SMIM36: variants seen among roughly 807,000 people sequenced by gnomAD.
SMIM36 encodes small integral membrane protein 36.
chr17:55,518,041 T>C, the SMIM36 span, among the ~76,000 whole-genome samples: 53,091 of 151,934 alleles, frequency 0.35, 10,979 homozygotes, highest in Non-Finnish European at 0.46. Flanking sequence ...GAAGTATGTA[T>C]CTTAGTCCAT....
At chr17:55,530,125 T>C in the SMIM36 span, among the ~76,000 whole-genome samples, 2 of 152,180 alleles carry the variant, frequency 1.3e-5, no homozygotes, top group Non-Finnish European at 2.9e-5. Flanking sequence ...GCTTTAAAAA[T>C]CCCCAGAAGG....
intron 1 of SMIM36, among the ~76,000 whole-genome samples, chr17:55,497,447 G>C (rs950305794): frequency 1.3e-5 from 2 of 152,052 alleles, no homozygotes; most frequent in Non-Finnish European, 2.9e-5. Flanking sequence ...TGTATTTTTA[G>C]TAGAGATGGG....
chr17:55,492,242 C>CTTTTTTTTTTTT (rs770501215), intron 1 of SMIM36, among the ~76,000 whole-genome samples: 2 of 111,286 alleles, frequency 1.8e-5, no homozygotes, highest in Non-Finnish European at 3.5e-5. Flanking sequence ...TTCTTTCTTT[C>CTTTTTTTTTTTT]TTTTTTTTTT....
chr17:55,469,619 A>T (rs1427105341), intron 3 of SMIM36, among the ~76,000 whole-genome samples: 2 of 152,212 alleles, frequency 1.3e-5, no homozygotes, highest in East Asian at 3.8e-4. Flanking sequence ...CCAAGCAACA[A>T]TGTATTTCTG....
rs1909945927 is a variant in SMIM36, at chr17:55,501,222, T to A, written c.*174+9657A>T. ...ATATATTATAATATATAATATATAT[T>A]ATATATTATAATATATAATATAGTA... is the stretch of plus-strand genomic sequence containing the variant. On this transcript the variant is annotated intron_variant, in intron 1 of 4. Transcript: ENST00000636752. 2.2e-5 allele frequency among the ~76,000 whole-genome samples: 2 copies of A among 88,982 alleles called. 1 individual carries two copies. The highest frequency in any genetic ancestry group is 4.0e-5 in the Non-Finnish European group (2 of 50,420). 58.4% of individuals were successfully genotyped at this position (88,982 alleles called of 152,430 possible). A position where few individuals can be genotyped will look rare whatever the true frequency, so the allele number is the denominator to read the frequency against.
intron 3 of SMIM36, among the ~76,000 whole-genome samples, chr17:55,477,767 T>A (rs973738335): frequency 5.9e-5 from 9 of 152,002 alleles, no homozygotes; most frequent in African/African-American, 9.7e-5. Flanking sequence ...AATTACCTCA[T>A]AGGGTTGCTA....
chr17:55,518,231 C>A, the SMIM36 span, among the ~76,000 whole-genome samples: 1 of 152,158 alleles, frequency 6.6e-6, no homozygotes. Flanking sequence ...GTGAAGAGGG[C>A]TGAATTTGTC....
At chr17:55,489,521 A>G (rs1909665407) in intron 1 of SMIM36, among the ~76,000 whole-genome samples, 1 of 152,258 alleles carries the variant, frequency 6.6e-6, no homozygotes, top group African/African-American at 2.4e-5. Context: ...TTTTCTATGC[A>G]TATAAAAACA....
chr17:55,484,471 A>G (rs1909572189), intron 1 of SMIM36, among the ~76,000 whole-genome samples: 1 of 152,222 alleles, frequency 6.6e-6, no homozygotes, highest in South Asian at 2.1e-4. Flanking sequence ...CAATGGCTTG[A>G]TCATGCTTAT....
chr17:55,500,119 TA>T (rs1372148462), intron 1 of SMIM36, among the ~76,000 whole-genome samples: 1 of 151,474 alleles, frequency 6.6e-6, no homozygotes, highest in African/African-American at 2.4e-5. Flanking sequence ...TGCTGGTAAT[TA>T]AAAAAAATTT....
rs796506078 is a variant in SMIM36, at chr17:55,466,277, C to CAAA, written c.*531+865_*531+867dup. On this transcript the variant is annotated intron_variant, in intron 4 of 4. Transcript: ENST00000636752. ...GGGCAACAAGATCAAGACTCCGTCT[C>CAAA]AAAAAAAAAAAAAAAAAAAAAAAAA... Among the ~76,000 whole-genome samples the CAAA allele has an allele frequency of 6.5e-3, 303 of 46,616 alleles. 3 individuals are homozygous for CAAA. Among genetic ancestry groups the CAAA allele is most frequent in the African/African-American group, 0.013 (173 of 13,358 alleles). 30.6% of individuals were successfully genotyped at this position (46,616 alleles called of 152,430 possible).
At chr17:55,528,349 T>A in the SMIM36 span, among the ~76,000 whole-genome samples, 1 of 151,958 alleles carries the variant, frequency 6.6e-6, no homozygotes, top group Non-Finnish European at 1.5e-5. Flanking sequence ...TTTTTTCAAT[T>A]TCATATAATA....
intron 1 of SMIM36, among the ~76,000 whole-genome samples, chr17:55,495,901 C>T (rs1050506784): frequency 2.6e-4 from 40 of 152,118 alleles, no homozygotes; most frequent in African/African-American, 9.4e-4. Context: ...TATTCTTGAT[C>T]GTGAGAGTTG....
At chr17:55,515,084 G>GTTTTTTTTTTTTTTTTTTTTTTTTT (rs1567874075), upstream of SMIM36, among the ~76,000 whole-genome samples, 13 of 56,104 alleles carry the variant, frequency 2.3e-4, 6 homozygotes, top group Non-Finnish European at 4.3e-4. Context: ...TTCTAGTCTA[G>GTTTTTTTTTTTTTTTTTTTTTTTTT]TGTTTTTTTT....
At chr17:55,500,729 G>GAAGTA (rs58312141) in intron 1 of SMIM36, among the ~76,000 whole-genome samples, 9 of 68,612 alleles carry the variant, frequency 1.3e-4, no homozygotes, top group East Asian at 5.7e-4. Flanking sequence ...ATTTTTAAAA[G>GAAGTA]AACATTCATT....
At chr17:55,458,917 C>A (rs906253974) in intron 4 of SMIM36, among the ~76,000 whole-genome samples, 4 of 152,286 alleles carry the variant, frequency 2.6e-5, no homozygotes, top group East Asian at 1.9e-4. Flanking sequence ...CAAGAAACCC[C>A]GGGGTACAGA....
chr17:55,528,495 G>A, the SMIM36 span, among the ~76,000 whole-genome samples: 7 of 151,250 alleles, frequency 4.6e-5, no homozygotes, highest in African/African-American at 1.7e-4. Context: ...TGGATTATAG[G>A]CGCACACCAC....
At chr17:55,475,593 TG>T (rs1909414478) in intron 3 of SMIM36, among the ~76,000 whole-genome samples, 1 of 152,144 alleles carries the variant, frequency 6.6e-6, no homozygotes, top group East Asian at 1.9e-4. Flanking sequence ...AAATGTAGAG[TG>T]TTGTTTTTAC....
intron 1 of SMIM36, among the ~76,000 whole-genome samples, chr17:55,494,980 C>G (rs1471846804): frequency 6.6e-6 from 1 of 152,154 alleles, no homozygotes; most frequent in African/African-American, 2.4e-5. Context: ...AAAATTCAGG[C>G]AATGTATGCA....
Sources: allele counts gnomAD v4.1 joint callset (sites outside exome capture counted in the v4.1 genomes callset), GRCh38; gene constraint gnomAD v4.1.1; transcripts MANE v1.5; gene names NCBI Gene and HGNC (gene_info 2026-07-23, HGNC 2026-07-21).